Variants in GLI2 observed in about 807,000 individuals in gnomAD.
GLI2 encodes GLI family zinc finger 2.
Under a neutral mutation model 78.9 loss-of-function variants are expected in GLI2, and 22 were observed. The observed-to-expected ratio is 0.28, with a 90% confidence interval of 0.20 to 0.40. GLI2 has a LOEUF of 0.40. Among genes scored for constraint, GLI2 ranks in the 10% least tolerant of loss-of-function variants. The probability of loss-of-function intolerance (pLI) is 1.00; values close to 1 mark genes in which losing one functional copy is unlikely to be tolerated. For missense variants in GLI2, 2,097 were observed against 2,213.2 expected (o/e 0.95, Z 1.05); for synonymous variants, 974 against 963.7 (o/e 1.01, Z -0.20).
Position 120,990,599 on chromosome 2 carries a change from A to G in GLI2, c.4634A>G (p.Asn1545Ser). ...CCCTCCATCCCCGCAGGCATCAGCA[A>G]CATGGCTGTCGGGGACATGAGCTCC... Reference protein sequence around the residue: ...TLPSIPAGISNMAVGDMSSML... With the variant: ...TLPSIPAGISSMAVGDMSSML... Residue 1545 changes from asparagine (N) to serine (S), a missense_variant, in exon 14 of 14, where the codon AAC (asparagine) becomes AGC (serine). Transcript: ENST00000361492. The G allele has an allele frequency of 6.2e-7, 1 of 1,613,868 alleles. No individual in the cohort carries two copies. The highest frequency in any genetic ancestry group is 8.5e-7 in the Non-Finnish European group (1 of 1,179,858).
intron 2 of GLI2, among the ~76,000 whole-genome samples, chr2:120,855,913 G>T (rs956253454): frequency 9.2e-5 from 14 of 152,160 alleles, no homozygotes; most frequent in African/African-American, 3.4e-4. Context: ...TGTTCTATTA[G>T]GTTCATTAAG....
At chr2:120,921,553 AGCTCCTCT>A (rs1679381099) in intron 2 of GLI2, among the ~76,000 whole-genome samples, 2 of 152,114 alleles carry the variant, frequency 1.3e-5, no homozygotes, top group South Asian at 4.1e-4. Context: ...GGGACCTCAT[AGCTCCTCT>A]AATCCCTGTT....
At chr2:120,747,772 T>G (rs1682736344) in intron 1 of GLI2, among the ~76,000 whole-genome samples, 1 of 152,216 alleles carries the variant, frequency 6.6e-6, no homozygotes, top group South Asian at 2.1e-4. Flanking sequence ...ACTCTGCCAC[T>G]GGGGCTTCCC....
intron 1 of GLI2, among the ~76,000 whole-genome samples, chr2:120,738,707 A>G: frequency 6.6e-6 from 1 of 152,196 alleles, no homozygotes; most frequent in Non-Finnish European, 1.5e-5. Flanking sequence ...GATAGTAGAA[A>G]GAGCCTCCCA....
At chr2:120,928,895 T>C (rs563366772) in intron 3 of GLI2, among the ~76,000 whole-genome samples, 1 of 152,342 alleles carries the variant, frequency 6.6e-6, no homozygotes, top group South Asian at 2.1e-4. Context: ...GACAGAATGC[T>C]CTTCACTCAC....
chr2:120,923,243 C>T (rs2104853380), intron 2 of GLI2, among the ~76,000 whole-genome samples: 2 of 30,970 alleles, frequency 6.5e-5, no homozygotes, highest in Admixed American at 8.9e-4. Flanking sequence ...GCAACACACA[C>T]ACACAACAGC....
At position 120,923,968 on chromosome 2, in the gene GLI2, A is replaced by G. The variant is rs566504377; in HGVS notation, c.149-3393A>G. Among the ~76,000 whole-genome samples the G allele has an allele frequency of 2.0e-5, 3 of 152,302 alleles. No homozygotes were observed. The East Asian group carries it at 5.8e-4, about 29-fold the overall frequency. Reference sequence around the variant, plus strand: ...AAACCACTGAAGCTCACAATGTTCCATAGACTTTATAGACCTGGGTGAAGT... The same window carrying G: ...AAACCACTGAAGCTCACAATGTTCCGTAGACTTTATAGACCTGGGTGAAGT... On this transcript the variant is annotated intron_variant, in intron 2 of 13. Transcript: ENST00000361492.
At position 120,955,377 on chromosome 2, in the gene GLI2, G is replaced by A. The variant is rs556019545; in HGVS notation, c.590G>A (p.Ser197Asn). Reference sequence around the variant, plus strand: ...CCCTACGGGGACCTGCTGATGCAGAGCGGGGGCGCTGCCAGCGCACCCCAT... The same window carrying A: ...CCCTACGGGGACCTGCTGATGCAGAACGGGGGCGCTGCCAGCGCACCCCAT... ...PAPYGDLLMQ[S>N]GGAASAPHLH... is the part of the protein sequence containing the mutation. The change falls in exon 5 of 14, where the codon AGC becomes AAC. Residue 197 changes from serine (S) to asparagine (N), a missense_variant. By Grantham distance (46) the Ser-to-Asn change is conservative. This residue lies in a region of GLI2 where 578 missense variants were observed against 612.0 expected (regional missense o/e 0.94). Coordinates refer to ENST00000361492, the MANE Select transcript of GLI2 (RefSeq NM_001374353.1). The A allele has an allele frequency of 5.0e-6, 8 of 1,612,796 alleles. No individual in the cohort carries two copies. In the African/African-American group the frequency reaches 9.3e-5, roughly 19 times the overall value.
chr2:120,938,191 G>A (rs555674050), intron 3 of GLI2, among the ~76,000 whole-genome samples: 5 of 152,128 alleles, frequency 3.3e-5, no homozygotes, highest in South Asian at 2.1e-4. Flanking sequence ...CCTCCTCCCC[G>A]GACCCAGACA....
rs146932726 is a variant in GLI2 at position 120,800,974 on chromosome 2, GT to G, written c.148+3507del. Among the ~76,000 whole-genome samples the G allele has an allele frequency of 3.4e-4, 52 of 152,308 alleles. No individual in the cohort carries two copies. In the East Asian group the frequency reaches 9.1e-3, roughly 27 times the overall value. On this transcript the variant is annotated intron_variant, in intron 2 of 13. Transcript: ENST00000361492. This position sits in a 1 kb window ranked among gnomAD's most constrained non-coding sequence, Gnocchi z 4.1. ...CCTGGCATCTGTAAGGTATCCAGATGTGGGGGCACCCTGCATTCCCCGGCAG... is the reference window on the plus strand; with the variant it reads ...CCTGGCATCTGTAAGGTATCCAGATGGGGGGCACCCTGCATTCCCCGGCAG...
chr2:120,966,364 G>A (rs1192251532), intron 5 of GLI2, among the ~76,000 whole-genome samples: 1 of 152,136 alleles, frequency 6.6e-6, no homozygotes, highest in African/African-American at 2.4e-5. Context: ...CCAGCCCAGG[G>A]TACCCGGTGT....
intron 2 of GLI2, among the ~76,000 whole-genome samples, chr2:120,899,050 G>A (rs1678117570): frequency 1.3e-5 from 2 of 152,148 alleles, no homozygotes; most frequent in Admixed American, 6.5e-5. Context: ...GGCTGCTCAC[G>A]CATTTACGCC....
At chr2:120,841,364 TGAAGA>T (rs1334384996) in intron 2 of GLI2, among the ~76,000 whole-genome samples, 1 of 152,182 alleles carries the variant, frequency 6.6e-6, no homozygotes, top group South Asian at 2.1e-4. Context: ...GAGGGCCTAG[TGAAGA>T]GAGAGGAGAG....
intron 5 of GLI2, among the ~76,000 whole-genome samples, chr2:120,963,884 G>T (rs988186741): frequency 6.6e-6 from 1 of 152,242 alleles, no homozygotes; most frequent in Non-Finnish European, 1.5e-5. Context: ...AGGAGTCCTA[G>T]CGCATGCGAT....
intron 4 of GLI2, among the ~76,000 whole-genome samples, chr2:120,953,373 C>T (rs934357712): frequency 1.3e-5 from 2 of 152,220 alleles, no homozygotes; most frequent in Non-Finnish European, 2.9e-5. Flanking sequence ...CCATCTTCCC[C>T]TTGAGCCTCT....
Position 120,976,265 on chromosome 2 carries a change from T to C in GLI2, c.1317+1156T>C, listed in dbSNP as rs529741696. On this transcript the variant is annotated intron_variant, in intron 9 of 13. Transcript: ENST00000361492. ...AGAGGCGCTTGCTTCTCCCCAGCTC[T>C]GTGAACTTAGCATTTAGGACACGCC... Among the ~76,000 whole-genome samples, 8 of 152,338 alleles carry C rather than the reference T, an allele frequency of 5.3e-5. No homozygotes were observed. The South Asian group carries it at 1.7e-3, about 32-fold the overall frequency.
intron 1 of GLI2, among the ~76,000 whole-genome samples, chr2:120,768,252 T>C (rs1683422469): frequency 6.6e-6 from 1 of 152,202 alleles, no homozygotes; most frequent in African/African-American, 2.4e-5. Flanking sequence ...TCTTCACAGC[T>C]GCCCTATGCG....
chr2:120,857,523 A>T (rs1011006530), intron 2 of GLI2, among the ~76,000 whole-genome samples: 5 of 77,470 alleles, frequency 6.5e-5, no homozygotes, highest in Non-Finnish European at 1.3e-4. Context: ...CCACCGACCC[A>T]CCCACCTACC....
At chr2:120,964,987 G>T (rs183401997) in intron 5 of GLI2, among the ~76,000 whole-genome samples, 5 of 152,382 alleles carry the variant, frequency 3.3e-5, no homozygotes, top group Admixed American at 3.3e-4. Context: ...CTGCTTATCT[G>T]GTTTGCTTGG....
Sources: gnomAD v4.1 joint callset for allele counts (sites outside exome capture counted in the v4.1 genomes callset) on GRCh38, gnomAD v4.1.1 for gene constraint, gnomAD v4.1.1 regional missense constraint, Gnocchi (gnomAD v3.1) non-coding constraint, MANE v1.5 for transcripts, NCBI Gene and HGNC (gene_info 2026-07-23, HGNC 2026-07-21) for gene names.